Variants in CNNM4 observed in about 807,000 individuals in gnomAD.
The protein encoded by CNNM4 is cyclin and CBS domain divalent metal cation transport mediator 4.
A neutral mutation model predicts 53.7 loss-of-function variants in CNNM4; 32 were observed. The ratio of observed to expected loss-of-function variants is 0.60; its 90% CI spans 0.45 to 0.80. The LOEUF (loss-of-function observed/expected upper bound fraction) is 0.80. Among genes scored for constraint, CNNM4 ranks in the 30% least tolerant of loss-of-function variants. The probability of loss-of-function intolerance (pLI) is 0.00; values close to 1 mark genes in which losing one functional copy is unlikely to be tolerated. For missense variants in CNNM4, 784 were observed against 1,022.0 expected, an observed-to-expected ratio of 0.77 and a Z score of 3.17; for synonymous variants, 410 against 440.0, an observed-to-expected ratio of 0.93 and a Z score of 0.85.
chr2:96,785,006 C>A (rs370962035), intron 1 of CNNM4, among the ~76,000 whole-genome samples: 2 of 152,244 alleles, frequency 1.3e-5, no homozygotes, highest in East Asian at 3.9e-4. Flanking sequence ...GCCTCCTGAG[C>A]AGCTGAGATT....
intron 1 of CNNM4, among the ~76,000 whole-genome samples, chr2:96,793,832 G>A (rs932863766): frequency 2.0e-5 from 3 of 152,160 alleles, no homozygotes; most frequent in South Asian, 2.1e-4. Flanking sequence ...GTATGGTGGC[G>A]CACACCCAGC....
chr2:96,799,168 C>T lies in CNNM4; in HGVS notation c.1793C>T (p.Ala598Val). Residue 598 changes from alanine to valine, a missense_variant, in exon 4 of 7, where the codon GCC (alanine) becomes GTC (valine). By Grantham distance (64) the Ala-to-Val change is moderately conservative (BLOSUM62 0). Transcript: ENST00000377075. ...LKFDEHNKYY[A>V]RHYLYTRNKP... ...TTTGACGAGCACAATAAGTACTACGCCCGCCATTACCTGTACACCCGAAAT... is the reference window on the plus strand; with the variant it reads ...TTTGACGAGCACAATAAGTACTACGTCCGCCATTACCTGTACACCCGAAAT... 5 of 1,614,186 alleles carry T rather than the reference C, an allele frequency of 3.1e-6. No homozygotes were observed. Among genetic ancestry groups the T allele is most frequent in the Non-Finnish European group, 4.2e-6 (5 of 1,180,032 alleles).
Position 96,761,865 on chromosome 2 carries a change from C to T in CNNM4, c.866C>T (p.Ala289Val). The T allele has an allele frequency of 6.2e-7, 1 of 1,614,216 alleles. No homozygotes were observed. The highest frequency in any genetic ancestry group is 2.2e-5 in the East Asian group (1 of 44,880). ...IVIFGEILPQ[A>V]LCSRHGLAVG... ...ATCTTTGGGGAGATCCTACCTCAGG[C>T]CCTGTGCTCCCGACATGGGCTGGCT... Residue 289 changes from alanine to valine, a missense_variant, in exon 1 of 7, where the codon GCC (alanine) becomes GTC (valine). Transcript: ENST00000377075. This position sits in a 1 kb window ranked among gnomAD's most constrained non-coding sequence, Gnocchi z 6.0.
At chr2:96,806,085 C>T (rs2153351134) in intron 5 of CNNM4, among the ~76,000 whole-genome samples, 1 of 147,422 alleles carries the variant, frequency 6.8e-6, no homozygotes, top group Middle Eastern at 3.4e-3. Context: ...GGGCTGACCC[C>T]CCCCAACCTC....
Position 96,806,132 on chromosome 2 carries a change from A to AC in CNNM4, c.1949-2422dup, listed in dbSNP as rs548054282. On this transcript the variant is annotated intron_variant, in intron 5 of 6. Coordinates refer to ENST00000377075, the MANE Select transcript of CNNM4 (RefSeq NM_020184.4). ...GGGCGGCTGGCCGGGCGGGGGGCTG[A>AC]CCCCCCCACCGCCCTCCCGGACGGG... is the stretch of plus-strand genomic sequence containing the variant. Among the ~76,000 whole-genome samples, 497 of 134,226 alleles carry AC rather than the reference A, an allele frequency of 3.7e-3. 5 individuals are homozygous for AC. Among genetic ancestry groups the AC allele is most frequent in the African/African-American group, 0.014 (448 of 30,900 alleles). 88.1% of individuals were successfully genotyped at this position (134,226 alleles called of 152,430 possible).
chr2:96,782,764 T>C (rs2078985527), intron 1 of CNNM4, among the ~76,000 whole-genome samples: 1 of 152,284 alleles, frequency 6.6e-6, no homozygotes, highest in African/African-American at 2.4e-5. Context: ...AAAAAGCTAA[T>C]TTTCATTTCT....
Position 96,761,403 on chromosome 2 carries a change from T to G in CNNM4, c.404T>G (p.Leu135Arg). The G allele has an allele frequency of 6.2e-7, 1 of 1,614,028 alleles. No homozygotes were observed. The highest frequency in any genetic ancestry group is 1.6e-4 in the Middle Eastern group (1 of 6,062). ...RGNTSGVLVV[L>R]TKFLRRSESM... ...AACACGTCCGGCGTGCTGGTGGTGC[T>G]CACCAAGTTCCTCCGGAGGAGCGAG... Residue 135 changes from leucine (L) to arginine (R), a missense_variant, in exon 1 of 7, where the codon CTC becomes CGC. Leu to Arg is a moderately radical substitution (Grantham distance 102, BLOSUM62 -2). Around this residue, in one of 3 missense-constraint regions of CNNM4, gnomAD observed 473 missense variants for 624.6 expected, o/e 0.76. Transcript: ENST00000377075. This position sits in a 1 kb window ranked among gnomAD's most constrained non-coding sequence, Gnocchi z 6.0.
At chr2:96,796,773 A>G (rs2079108070) in intron 1 of CNNM4, among the ~76,000 whole-genome samples, 1 of 152,144 alleles carries the variant, frequency 6.6e-6, no homozygotes, top group South Asian at 2.1e-4. Context: ...CTCCACAAAA[A>G]CAGAGAAAAA....
intron 1 of CNNM4, among the ~76,000 whole-genome samples, chr2:96,771,693 G>A (rs556567316): frequency 2.8e-4 from 41 of 147,664 alleles, no homozygotes; most frequent in Non-Finnish European, 5.0e-4. Context: ...CAGCCTGGGC[G>A]ACAGAGCCAC....
intron 1 of CNNM4, among the ~76,000 whole-genome samples, chr2:96,780,832 G>A (rs181160250): frequency 1.3e-5 from 2 of 151,700 alleles, no homozygotes; most frequent in Admixed American, 6.6e-5. Context: ...CTGCCTCCTG[G>A]GTTCAAGCAA....
intron 1 of CNNM4, among the ~76,000 whole-genome samples, chr2:96,773,673 T>C (rs2078898363): frequency 6.6e-6 from 1 of 151,976 alleles, no homozygotes; most frequent in Admixed American, 6.6e-5. Context: ...TGAAATGCTG[T>C]CTCTACTAAA....
rs544793949 is a variant in CNNM4, at chr2:96,793,382, C to T, written c.1403-3630C>T. 4.6e-5 allele frequency among the ~76,000 whole-genome samples: 7 copies of T among 152,370 alleles called. No homozygotes were observed. The South Asian group carries it at 1.4e-3, about 32-fold the overall frequency. On this transcript the variant is annotated intron_variant, in intron 1 of 6. Coordinates refer to ENST00000377075, the MANE Select transcript of CNNM4 (RefSeq NM_020184.4). ...CCAAAGCTCACCCTGCAGAGGGTGA[C>T]TGACTGGCCCCTTAGGCTGGAACCT...
rs762026240 is a variant in CNNM4, at chr2:96,761,147, A to C, written c.148A>C (p.Arg50=). Residue 50 remains arginine (R), a synonymous_variant, in exon 1 of 7, where the codon AGG becomes CGG. Coordinates refer to ENST00000377075, the MANE Select transcript of CNNM4 (RefSeq NM_020184.4). This position sits in a 1 kb window ranked among gnomAD's most constrained non-coding sequence, Gnocchi z 6.0. ...SPQQGTIVGM[R]LASCNKSCGT... is the part of the protein sequence containing the mutation. ...CCAGCAGGGCACGATCGTGGGCATG[A>C]GGCTGGCGAGCTGCAACAAGTCGTG... is the stretch of plus-strand genomic sequence containing the variant. 6.2e-7 allele frequency: 1 copy of C among 1,606,044 alleles called. No individual in the cohort carries two copies.
intron 1 of CNNM4, among the ~76,000 whole-genome samples, chr2:96,774,419 AT>A (rs1049921144): frequency 1.3e-5 from 2 of 152,046 alleles, no homozygotes; most frequent in Non-Finnish European, 2.9e-5. Flanking sequence ...GTGTTTAAAA[AT>A]TTTTTTTAAA....
chr2:96,784,181 C>A (rs2078998061), intron 1 of CNNM4, among the ~76,000 whole-genome samples: 1 of 152,104 alleles, frequency 6.6e-6, no homozygotes, highest in Non-Finnish European at 1.5e-5. Context: ...GCGGGAGAAT[C>A]ACTTGAGCCC....
rs796162631 is a variant in CNNM4 at position 96,791,119 on chromosome 2, CAAAAAAAA to C, written c.1403-5881_1403-5874del. On this transcript the variant is annotated intron_variant, in intron 1 of 6. Transcript: ENST00000377075. ...TGAACAACAGAGTGAGACTCTGTCT[CAAAAAAAA>C]AAAAAAAAAAATTAAAATACAAAAA... 7.8e-4 allele frequency among the ~76,000 whole-genome samples: 58 copies of C among 74,376 alleles called. No individual in the cohort carries two copies. In the East Asian group the frequency reaches 0.021, roughly 27 times the overall value. The allele number at this position is 74,376 out of a possible 152,430, so 48.8% of individuals were successfully genotyped here.
intron 5 of CNNM4, among the ~76,000 whole-genome samples, chr2:96,803,950 G>A (rs1383424990): frequency 6.6e-6 from 1 of 152,124 alleles, no homozygotes; most frequent in Non-Finnish European, 1.5e-5. Context: ...CTAGGCTGGA[G>A]AGCAGTGGTG....
intron 1 of CNNM4, among the ~76,000 whole-genome samples, chr2:96,786,028 A>G (rs1462670864): frequency 6.6e-6 from 1 of 151,548 alleles, no homozygotes; most frequent in East Asian, 2.0e-4. Flanking sequence ...TGGAGCTTGC[A>G]ATGAGCTGAG....
intron 1 of CNNM4, among the ~76,000 whole-genome samples, chr2:96,783,294 T>C (rs1473204135): frequency 6.6e-6 from 1 of 152,074 alleles, no homozygotes; most frequent in Non-Finnish European, 1.5e-5. Flanking sequence ...CAGGAGAAAA[T>C]GCCAGAGGTG....
Sources: gnomAD v4.1 joint callset for allele counts (sites outside exome capture counted in the v4.1 genomes callset) on GRCh38, gnomAD v4.1.1 for gene constraint, gnomAD v4.1.1 regional missense constraint, Gnocchi (gnomAD v3.1) non-coding constraint, MANE v1.5 for transcripts, NCBI Gene and HGNC (gene_info 2026-07-23, HGNC 2026-07-21) for gene names.